Variants in GRIN2B observed in about 807,000 individuals in gnomAD.
GRIN2B encodes glutamate ionotropic receptor NMDA type subunit 2B.
Under a neutral mutation model 114.5 loss-of-function variants are expected in GRIN2B, and 5 were observed. The observed-to-expected ratio is 0.04, with a 90% CI of 0.02 to 0.09. The LOEUF is 0.09. Ranked by LOEUF, GRIN2B falls within the 10% of genes least tolerant of loss-of-function variation. The probability of loss-of-function intolerance (pLI) is 1.00; values close to 1 mark genes in which losing one functional copy is unlikely to be tolerated. For synonymous variants in GRIN2B, 787 were observed against 745.1 expected (o/e 1.06, Z -0.92); for missense variants, 1,108 against 1,943.5 (o/e 0.57, Z 8.08).
At chr12:13,774,780 C>T (rs1358688911) in intron 3 of GRIN2B, among the ~76,000 whole-genome samples, 1 of 152,008 alleles carries the variant, frequency 6.6e-6, no homozygotes, top group Non-Finnish European at 1.5e-5. Flanking sequence ...TTCCTAGGCA[C>T]AAAGATTACC....
intron 2 of GRIN2B, among the ~76,000 whole-genome samples, chr12:13,887,170 G>A (rs1447111615): frequency 2.0e-5 from 3 of 152,284 alleles, no homozygotes; most frequent in African/African-American, 7.2e-5. Flanking sequence ...AAGCTGCAAT[G>A]CTTTGGAGAA....
chr12:13,858,240 A>C (rs1031065626), intron 3 of GRIN2B, among the ~76,000 whole-genome samples: 2 of 152,244 alleles, frequency 1.3e-5, no homozygotes, highest in African/African-American at 4.8e-5. Flanking sequence ...TTTGACAAAA[A>C]ATAAATGATC....
At chr12:13,890,999 G>A (rs1053935155) in intron 2 of GRIN2B, among the ~76,000 whole-genome samples, 6 of 152,154 alleles carry the variant, frequency 3.9e-5, no homozygotes, top group Admixed American at 2.6e-4. Context: ...AGCCAAGCCA[G>A]CCAATCTCCG....
At chr12:13,660,795 C>T (rs982924649) in intron 5 of GRIN2B, among the ~76,000 whole-genome samples, 1 of 152,154 alleles carries the variant, frequency 6.6e-6, no homozygotes, top group Non-Finnish European at 1.5e-5. Flanking sequence ...TAATTATTGT[C>T]ATTATTAACT....
intron 4 of GRIN2B, among the ~76,000 whole-genome samples, chr12:13,678,437 T>C (rs996649868): frequency 5.9e-5 from 9 of 152,126 alleles, no homozygotes; most frequent in African/African-American, 2.2e-4. Flanking sequence ...AGAAGTAACA[T>C]TTTAAGCAAT....
At chr12:13,937,095 AAG>A (rs1491496106) in intron 2 of GRIN2B, among the ~76,000 whole-genome samples, 11 of 141,664 alleles carry the variant, frequency 7.8e-5, no homozygotes, top group South Asian at 2.2e-4. Flanking sequence ...AAAAAAAAAA[AAG>A]GGGGGGGGGA....
intron 5 of GRIN2B, among the ~76,000 whole-genome samples, chr12:13,674,197 C>T (rs910507547): frequency 6.6e-6 from 1 of 151,722 alleles, no homozygotes; most frequent in African/African-American, 2.4e-5. Context: ...TCATTTCTAC[C>T]AAAAATTTGA....
intron 3 of GRIN2B, among the ~76,000 whole-genome samples, chr12:13,768,627 C>T (rs947893291): frequency 6.6e-6 from 1 of 152,256 alleles, no homozygotes; most frequent in Non-Finnish European, 1.5e-5. Context: ...GGCTTTCCAA[C>T]TCTAGGCACA....
chr12:13,758,557 A>G (rs1271058382), intron 3 of GRIN2B, among the ~76,000 whole-genome samples: 1 of 152,226 alleles, frequency 6.6e-6, no homozygotes, highest in African/African-American at 2.4e-5. Flanking sequence ...AGGTTCTTAA[A>G]ATGGAATGGG....
At chr12:13,650,655 CT>C (rs1323419541) in intron 5 of GRIN2B, among the ~76,000 whole-genome samples, 2 of 152,068 alleles carry the variant, frequency 1.3e-5, no homozygotes, top group Non-Finnish European at 2.9e-5. Context: ...CCTAATCCAT[CT>C]TCTCAATGAG....
intron 2 of GRIN2B, among the ~76,000 whole-genome samples, chr12:13,917,551 G>A (rs1357277836): frequency 6.6e-6 from 1 of 152,184 alleles, no homozygotes; most frequent in Non-Finnish European, 1.5e-5. Context: ...AGGAAAAAGA[G>A]GACAGCAGTG....
Position 13,544,278 on chromosome 12 carries a change from T to C in GRIN2B, c.*18505A>G, listed in dbSNP as rs994748862. On this transcript the variant is annotated 3_prime_UTR_variant, in exon 14 of 14. Coordinates refer to ENST00000609686, the MANE Select transcript of GRIN2B (RefSeq NM_000834.5). ...ATGGGATGACCTCCATGTTTCCAGATAGTCTTATCCTACTCAATAATAGTA... is the reference window on the plus strand; with the variant it reads ...ATGGGATGACCTCCATGTTTCCAGACAGTCTTATCCTACTCAATAATAGTA... The C allele has an allele frequency of 2.6e-5, 4 of 152,158 alleles. No homozygotes were observed. Among genetic ancestry groups the C allele is most frequent in the Non-Finnish European group, 4.4e-5 (3 of 68,056 alleles). 9.4% of individuals were successfully genotyped at this position (152,158 alleles called of 1,614,324 possible).
chr12:13,710,503 C>T (rs1018495133), intron 4 of GRIN2B, among the ~76,000 whole-genome samples: 5 of 152,118 alleles, frequency 3.3e-5, no homozygotes, highest in African/African-American at 9.7e-5. Context: ...CCAAAATCTC[C>T]TGAAGCTGAT....
rs200181498 is a variant in GRIN2B, at chr12:13,562,422, C to T, written c.*361G>A. ...GCTCACATAGCCTCTTTTTGGTTCT[C>T]CCAGCTTCACTCAAAGAGGATATCA... On this transcript the variant is annotated 3_prime_UTR_variant, in exon 14 of 14. Transcript: ENST00000609686. The T allele has an allele frequency of 7.8e-6, 2 of 257,860 alleles. No homozygotes were observed. The highest frequency in any genetic ancestry group is 1.5e-5 in the Non-Finnish European group (2 of 134,308). 16.0% of individuals were successfully genotyped at this position (257,860 alleles called of 1,614,324 possible).
chr12:13,905,328 G>GATCA (rs1257173043), intron 2 of GRIN2B, among the ~76,000 whole-genome samples: 1 of 152,172 alleles, frequency 6.6e-6, no homozygotes, highest in Non-Finnish European at 1.5e-5. Context: ...TCAGCTGCTA[G>GATCA]ATCAATCAGA....
At chr12:13,848,230 C>T (rs74067124) in intron 3 of GRIN2B, among the ~76,000 whole-genome samples, 5,388 of 152,264 alleles carry the variant, frequency 0.035, 113 homozygotes, top group Middle Eastern at 0.061. Context: ...CTATTACAAA[C>T]TTCTTTCACT....
At position 13,657,624 on chromosome 12, in the gene GRIN2B, C is replaced by G. The variant is rs574957752; in HGVS notation, c.1125+18121G>C. ...AGATCTTCCTACTATCAATACAACA[C>G]GTTCAGACCAATAAGCTATGACCAA... On this transcript the variant is annotated intron_variant, in intron 5 of 13. Transcript: ENST00000609686. Among the ~76,000 whole-genome samples, 12 of 152,256 alleles carry G rather than the reference C, an allele frequency of 7.9e-5. No homozygotes were observed. The South Asian group carries it at 1.7e-3, about 21-fold the overall frequency.
intron 3 of GRIN2B, among the ~76,000 whole-genome samples, chr12:13,815,105 C>T (rs1864793927): frequency 6.6e-6 from 1 of 152,144 alleles, no homozygotes; most frequent in Non-Finnish European, 1.5e-5. Context: ...TATAATGTAT[C>T]ATAGGCTTCT....
chr12:13,683,903 T>C (rs1291177988), intron 4 of GRIN2B: 2 of 152,212 alleles, frequency 1.3e-5, no homozygotes, highest in African/African-American at 4.8e-5. Flanking sequence ...AAGGGACTTT[T>C]GGATCACAGT....
Sources: allele counts gnomAD v4.1 joint callset (sites outside exome capture counted in the v4.1 genomes callset), GRCh38; gene constraint gnomAD v4.1.1; transcripts MANE v1.5; gene names NCBI Gene and HGNC (gene_info 2026-07-23, HGNC 2026-07-21).